Variants in BBOF1 observed in about 807,000 individuals in gnomAD.
BBOF1 encodes the protein basal body orientation factor 1.
BBOF1 carries 62 observed loss-of-function variants against 68.0 expected under a neutral mutation model. The observed-to-expected ratio is 0.91, with a 90% CI of 0.74 to 1.13. The LOEUF (loss-of-function observed/expected upper bound fraction) is 1.13, where lower values mean the gene tolerates loss of function less well. Among genes scored for constraint, BBOF1 ranks in the 50% most tolerant of loss-of-function variants. The pLI, the probability that BBOF1 is intolerant of heterozygous loss-of-function variation, is 0.00. For missense variants in BBOF1, 534 were observed against 600.1 expected, an observed-to-expected ratio of 0.89 and a Z score of 1.15; for synonymous variants, 208 against 198.8, an observed-to-expected ratio of 1.05 and a Z score of -0.39.
At chr14:74,046,156 ACT>A in intron 6 of BBOF1, 26 bp downstream of exon 6, 3 of 1,561,944 alleles carry the variant, frequency 1.9e-6, no homozygotes, top group African/African-American at 1.4e-5. Flanking sequence ...CTACTTTCTG[ACT>A]CTGATTACCT....
intron 4 of BBOF1, among the ~76,000 whole-genome samples, chr14:74,038,767 G>T (rs568009796): frequency 6.6e-6 from 1 of 152,196 alleles, no homozygotes; most frequent in East Asian, 1.9e-4. Flanking sequence ...ACTTTGAGAG[G>T]CTAAGGTGGG....
chr14:74,057,617 G>A, intron 11 of BBOF1: 1 of 1,339,990 alleles, frequency 7.5e-7, no homozygotes. Context: ...CAACCTAGAG[G>A]ACAAAGGCTT....
rs1051368922 is a variant in BBOF1 at position 74,057,270 on chromosome 14, G to T, written c.1578+12G>T. On this transcript the variant is annotated intron_variant, in intron 11 of 11. Coordinates refer to ENST00000394009, the MANE Select transcript of BBOF1 (RefSeq NM_025057.3). The stretch of plus-strand genomic sequence containing the variant: ...AGGAGTCTGACACAGTAAGGAGTCT[G>T]TATCTAATCAAACAATGTATATTGT... 6.2e-7 allele frequency: 1 copy of T among 1,614,020 alleles called. No individual in the cohort carries two copies. The highest frequency in any genetic ancestry group is 1.7e-5 in the Admixed American group (1 of 60,004).
chr14:74,069,613 TGTG>T (rs2060521332), downstream of BBOF1, among the ~76,000 whole-genome samples: 1 of 151,350 alleles, frequency 6.6e-6, no homozygotes, highest in Non-Finnish European at 1.5e-5. Flanking sequence ...ATTAGCCAAA[TGTG>T]GTGGTGGGCA....
At chr14:74,074,957 C>A in intron 9 of BBOF1, 1 of 1,614,014 alleles carries the variant, frequency 6.2e-7, no homozygotes, top group Non-Finnish European at 8.5e-7. Context: ...AAACTCACCA[C>A]TGAAGAAGAG....
chr14:74,054,563 G>C (rs753753510), intron 8 of BBOF1, among the ~76,000 whole-genome samples: 13 of 150,000 alleles, frequency 8.7e-5, no homozygotes, highest in Non-Finnish European at 1.8e-4. Context: ...ATTTTTAGTA[G>C]AGATGGGGTT....
chr14:74,051,985 T>A (rs2139638099), intron 8 of BBOF1, among the ~76,000 whole-genome samples: 1 of 151,936 alleles, frequency 6.6e-6, no homozygotes, highest in Middle Eastern at 3.4e-3. Flanking sequence ...ACATGCTCAG[T>A]AGTCTCTGAT....
intron 9 of BBOF1, chr14:74,071,811 A>G: frequency 6.6e-7 from 1 of 1,526,600 alleles, no homozygotes; most frequent in South Asian, 1.1e-5. Flanking sequence ...TATGTAAAGG[A>G]AGAAGCAACC....
intron 8 of BBOF1, among the ~76,000 whole-genome samples, chr14:74,052,283 TG>T (rs1318079916): frequency 2.0e-5 from 3 of 151,834 alleles, no homozygotes; most frequent in African/African-American, 4.9e-5. Flanking sequence ...TTTTTGCTAC[TG>T]ACCACCTTAA....
intron 5 of BBOF1, among the ~76,000 whole-genome samples, chr14:74,041,650 G>A (rs906537811): frequency 6.6e-5 from 10 of 152,142 alleles, no homozygotes; most frequent in Admixed American, 6.6e-4. Flanking sequence ...CCACCTCCTG[G>A]ATTCAAGCAA....
chr14:74,038,515 C>T (rs1205016916), intron 4 of BBOF1, among the ~76,000 whole-genome samples: 5 of 151,962 alleles, frequency 3.3e-5, no homozygotes, highest in South Asian at 2.1e-4. Context: ...CTTATGGGAA[C>T]GAATAAGGTG....
intron 7 of BBOF1, 163 bp downstream of exon 7, chr14:74,048,237 T>G: frequency 1.7e-6 from 1 of 573,696 alleles, no homozygotes; most frequent in East Asian, 3.1e-5. Flanking sequence ...ATACTCAATC[T>G]TATAATGCTT....
At chr14:74,049,613 G>A (rs372629328) in intron 7 of BBOF1, 89 bp from the exon 8 acceptor site, 17 of 1,137,256 alleles carry the variant, frequency 1.5e-5, no homozygotes, top group East Asian at 1.0e-4. Flanking sequence ...AGTGAGCTGA[G>A]ATTGTGCCAC....
At chr14:74,042,197 A>C (rs1187244263) in intron 5 of BBOF1, among the ~76,000 whole-genome samples, 1 of 152,248 alleles carries the variant, frequency 6.6e-6, no homozygotes, top group East Asian at 1.9e-4. Context: ...AGATAAAAGG[A>C]ATTGCTATAG....
At chr14:74,024,953 C>T (rs898853335) in intron 2 of BBOF1, among the ~76,000 whole-genome samples, 2 of 151,750 alleles carry the variant, frequency 1.3e-5, no homozygotes, top group African/African-American at 2.4e-5. Flanking sequence ...TTAGTAGGGA[C>T]GGGGTTTTGG....
chr14:74,069,932 A>G (rs1162437006), downstream of BBOF1, among the ~76,000 whole-genome samples: 2 of 145,610 alleles, frequency 1.4e-5, no homozygotes, highest in African/African-American at 5.1e-5. Context: ...GCTCACTGCA[A>G]CCTCTGTTTG....
chr14:74,080,525 G>A (rs116474980), intron 10 of BBOF1, among the ~76,000 whole-genome samples: 2 of 151,788 alleles, frequency 1.3e-5, no homozygotes, highest in Non-Finnish European at 2.9e-5. Context: ...ACACGACCTC[G>A]CTCTCAGGCT....
chr14:74,069,149 G>C, downstream of BBOF1: 1 of 663,648 alleles, frequency 1.5e-6, no homozygotes, highest in Non-Finnish European at 2.3e-6. Context: ...CTGTTGCCCA[G>C]GCTGGAGTGC....
In BBOF1 at chr14:74,057,418, C is replaced by T. The variant is rs200274904; in HGVS notation, c.1578+160C>T. 5.3e-6 allele frequency: 8 copies of T among 1,522,444 alleles called. No individual in the cohort carries two copies. In the East Asian group the frequency reaches 2.0e-4, roughly 38 times the overall value. The allele number at this position is 1,522,444 out of a possible 1,614,324, so 94.3% of individuals were successfully genotyped here. ...TAGTAGATTACATAAATTTTTAAAG[C>T]AATATCCGTACAAATGCATATTATA... On this transcript the variant is annotated intron_variant, in intron 11 of 11. Coordinates refer to ENST00000394009, the MANE Select transcript of BBOF1 (RefSeq NM_025057.3).
Sources: allele counts gnomAD v4.1 joint callset (sites outside exome capture counted in the v4.1 genomes callset), GRCh38; gene constraint gnomAD v4.1.1; transcripts MANE v1.5; gene names NCBI Gene and HGNC (gene_info 2026-07-23, HGNC 2026-07-21).